PBX1: variants seen among roughly 807,000 people sequenced by gnomAD.
PBX1 encodes pre-B-cell leukemia transcription factor 1.
Under a neutral mutation model 53.4 loss-of-function variants are expected in PBX1, and 6 were observed. The ratio of observed to expected loss-of-function variants is 0.11; its 90% CI spans 0.06 to 0.22. The LOEUF (loss-of-function observed/expected upper bound fraction) is 0.22. Among genes scored for constraint, PBX1 ranks in the 10% least tolerant of loss-of-function variants. PBX1 has a pLI of 1.00. For missense variants in PBX1, 251 were observed against 551.4 expected (o/e 0.46, Z 5.46); for synonymous variants, 204 against 212.3 (o/e 0.96, Z 0.34).
intron 2 of PBX1, among the ~76,000 whole-genome samples, chr1:164,754,002 C>T (rs1222484377): frequency 1.3e-5 from 2 of 152,030 alleles, no homozygotes; most frequent in South Asian, 4.2e-4. Context: ...TAGTATGTAT[C>T]GAGGAGCAGC....
chr1:164,566,373 G>T (rs1653434895), intron 2 of PBX1, among the ~76,000 whole-genome samples: 1 of 152,154 alleles, frequency 6.6e-6, no homozygotes, highest in African/African-American at 2.4e-5. Flanking sequence ...CCAGCAAAAT[G>T]CTCGGGTGGC....
At chr1:164,700,669 A>C in intron 2 of PBX1, 1 of 985,394 alleles carries the variant, frequency 1.0e-6, no homozygotes, top group Non-Finnish European at 1.2e-6. Context: ...GAGACCCTGC[A>C]GCAGATAGGA....
intron 2 of PBX1, among the ~76,000 whole-genome samples, chr1:164,581,042 C>T (rs556034922): frequency 6.6e-6 from 1 of 152,276 alleles, no homozygotes; most frequent in African/African-American, 2.4e-5. Flanking sequence ...TGCCTTTGCA[C>T]ACCCTTCCTG....
chr1:164,640,213 CT>C (rs1365970459), intron 2 of PBX1, among the ~76,000 whole-genome samples: 1 of 152,108 alleles, frequency 6.6e-6, no homozygotes. Flanking sequence ...GCCCTTGCAT[CT>C]TTTTTGCTCT....
intron 2 of PBX1, chr1:164,590,293 G>A (rs1229631306): frequency 6.6e-6 from 3 of 453,936 alleles, no homozygotes; most frequent in East Asian, 7.0e-5. Context: ...GAGCCAAAAG[G>A]GGAACACTTT....
At chr1:164,621,437 A>G (rs1657673323) in intron 2 of PBX1, among the ~76,000 whole-genome samples, 1 of 152,186 alleles carries the variant, frequency 6.6e-6, no homozygotes, top group Non-Finnish European at 1.5e-5. Context: ...ATGAGAAAGC[A>G]TCGCAAAGGA....
chr1:164,780,194 G>A (rs757250225), intron 2 of PBX1, among the ~76,000 whole-genome samples: 2 of 151,992 alleles, frequency 1.3e-5, no homozygotes, highest in Non-Finnish European at 2.9e-5. Flanking sequence ...CCAAATTCCC[G>A]ATTTTACCAG....
In PBX1 at chr1:164,732,931, C is replaced by T. The variant is rs192752705; in HGVS notation, c.266-59563C>T. Among the ~76,000 whole-genome samples, 4 of 152,310 alleles carry T rather than the reference C, an allele frequency of 2.6e-5. No individual in the cohort carries two copies. In the East Asian group the frequency reaches 5.8e-4, roughly 22 times the overall value. On this transcript the variant is annotated intron_variant, in intron 2 of 8. Coordinates refer to ENST00000420696, the MANE Select transcript of PBX1 (RefSeq NM_002585.4). ...AACCCACTTTGGTCTTCCTTTGTCT[C>T]CATCTTTGACTGATATTTTTTTCTA...
chr1:164,855,104 C>T (rs1035327590), downstream of PBX1, among the ~76,000 whole-genome samples: 1 of 151,970 alleles, frequency 6.6e-6, no homozygotes, highest in African/African-American at 2.4e-5. Context: ...ATGCACCATA[C>T]CCGGCTAATG....
At chr1:164,601,448 C>G (rs963646330) in intron 2 of PBX1, among the ~76,000 whole-genome samples, 1 of 152,116 alleles carries the variant, frequency 6.6e-6, no homozygotes, top group Non-Finnish European at 1.5e-5. Flanking sequence ...GCCTCATTCA[C>G]TTTCAGGTAA....
At chr1:164,631,592 G>A (rs183195889) in intron 2 of PBX1, among the ~76,000 whole-genome samples, 10 of 152,152 alleles carry the variant, frequency 6.6e-5, no homozygotes, top group African/African-American at 2.2e-4. Flanking sequence ...TAGCCTCCGG[G>A]CATATTTACA....
chr1:164,570,488 C>T (rs560274600), intron 2 of PBX1, among the ~76,000 whole-genome samples: 122 of 152,082 alleles, frequency 8.0e-4, no homozygotes, highest in Non-Finnish European at 9.0e-4. Flanking sequence ...GTTAATTTGC[C>T]GAGAGTGATG....
rs1653372301 is a variant in PBX1 at position 164,565,511 on chromosome 1, C to G, written c.265+2200C>G. Among the ~76,000 whole-genome samples the G allele has an allele frequency of 1.3e-5, 2 of 151,926 alleles. 1 individual carries two copies. Among genetic ancestry groups the G allele is most frequent in the African/African-American group, 4.8e-5 (2 of 41,348 alleles). On this transcript the variant is annotated intron_variant, in intron 2 of 8. Coordinates refer to ENST00000420696, the MANE Select transcript of PBX1 (RefSeq NM_002585.4). ...AGTAGGGGAAAAAAAAGGCTTACCT[C>G]CCTCTTAGTCTTCAACTTGTGTGTT...
intron 2 of PBX1, among the ~76,000 whole-genome samples, chr1:164,859,913 A>G (rs1169897844): frequency 1.3e-5 from 2 of 152,222 alleles, no homozygotes; most frequent in Non-Finnish European, 2.9e-5. Context: ...TAAAATTATG[A>G]TGTCCATTAA....
chr1:164,724,817 C>T (rs1664612432), intron 2 of PBX1, among the ~76,000 whole-genome samples: 1 of 150,626 alleles, frequency 6.6e-6, no homozygotes, highest in African/African-American at 2.4e-5. Flanking sequence ...TTGTATTCCT[C>T]TTTCAGGCAA....
intron 2 of PBX1, chr1:164,773,006 CTT>C (rs1667449790): frequency 6.6e-6 from 1 of 152,196 alleles, no homozygotes; most frequent in South Asian, 2.1e-4. Flanking sequence ...GCCAGATCAG[CTT>C]AACTCATCTC....
At chr1:164,811,917 G>A in intron 5 of PBX1, 73 bp from the exon 6 acceptor site, 1 of 1,339,598 alleles carries the variant, frequency 7.5e-7, no homozygotes, top group South Asian at 1.5e-5. Context: ...CTCCCATAAA[G>A]CCTTTTTTTT....
chr1:164,617,153 A>G (rs1488131433), intron 2 of PBX1, among the ~76,000 whole-genome samples: 3 of 152,228 alleles, frequency 2.0e-5, no homozygotes, highest in African/African-American at 7.2e-5. Context: ...AGAGATTATA[A>G]CTAAGACTAA....
chr1:164,614,093 C>T (rs1425800853), intron 2 of PBX1, among the ~76,000 whole-genome samples: 1 of 152,186 alleles, frequency 6.6e-6, no homozygotes, highest in African/African-American at 2.4e-5. Flanking sequence ...AGCACAGTTC[C>T]TTGCCCAGAA....
Sources: gnomAD v4.1 joint callset for allele counts (sites outside exome capture counted in the v4.1 genomes callset) on GRCh38, gnomAD v4.1.1 for gene constraint, MANE v1.5 for transcripts, NCBI Gene and HGNC (gene_info 2026-07-23, HGNC 2026-07-21) for gene names.